NSD1: variants seen among roughly 807,000 people sequenced by gnomAD.
NSD1 encodes nuclear receptor binding SET domain protein 1.
Under a neutral mutation model 242.7 loss-of-function variants are expected in NSD1, and 26 were observed. That is an observed-to-expected ratio of 0.11 (90% CI 0.08 to 0.15). The LOEUF (loss-of-function observed/expected upper bound fraction) is 0.15, where lower values mean the gene tolerates loss of function less well. Among genes scored for constraint, NSD1 ranks in the 10% least tolerant of loss-of-function variants. NSD1 has a pLI of 1.00. For synonymous variants in NSD1, 1,106 were observed against 1,178.1 expected (o/e 0.94, Z 1.25); for missense variants, 2,495 against 3,272.8 (o/e 0.76, Z 5.80).
intron 5 of NSD1, among the ~76,000 whole-genome samples, chr5:177,227,519 T>G (rs1764722923): frequency 6.6e-6 from 1 of 152,192 alleles, no homozygotes; most frequent in South Asian, 2.1e-4. Flanking sequence ...CGATCTTGGC[T>G]TACTGCAACC....
At chr5:177,157,925 A>G (rs1295025401) in intron 2 of NSD1, among the ~76,000 whole-genome samples, 4 of 152,182 alleles carry the variant, frequency 2.6e-5, no homozygotes, top group Non-Finnish European at 4.4e-5. Context: ...ATGTTGTTGT[A>G]TGTATGCATA....
intron 2 of NSD1, among the ~76,000 whole-genome samples, chr5:177,141,627 G>A (rs1230164061): frequency 1.3e-5 from 2 of 152,006 alleles, no homozygotes; most frequent in Non-Finnish European, 2.9e-5. Context: ...ACCACGACCT[G>A]CATACCACTT....
rs573893091 is a variant in NSD1, at chr5:177,286,056, C to T, written c.6151+2128C>T. Among the ~76,000 whole-genome samples, 9 of 152,120 alleles carry T rather than the reference C, an allele frequency of 5.9e-5. No homozygotes were observed. The South Asian group carries it at 1.5e-3, about 25-fold the overall frequency. ...GATTACAGGCATCCACCACCATGCC[C>T]GGCTATTTTTTGGTATTTTTAGTAG... On this transcript the variant is annotated intron_variant, in intron 20 of 22. Transcript: ENST00000439151.
intron 5 of NSD1, among the ~76,000 whole-genome samples, chr5:177,212,487 CTTT>C (rs34930823): frequency 7.9e-6 from 1 of 126,950 alleles, no homozygotes; most frequent in South Asian, 2.4e-4. Flanking sequence ...CTCTCTCTCT[CTTT>C]TTTTTTTTTT....
At chr5:177,277,124 C>T (rs370993456) in intron 17 of NSD1, among the ~76,000 whole-genome samples, 1 of 150,066 alleles carries the variant, frequency 6.7e-6, no homozygotes, top group African/African-American at 2.4e-5. Context: ...AACTTCTTTA[C>T]TCCATTTTTT....
intron 18 of NSD1, 135 bp from the exon 19 acceptor site, chr5:177,282,330 A>G: frequency 3.9e-6 from 3 of 759,796 alleles, no homozygotes; most frequent in East Asian, 2.5e-5. Context: ...TAAAGTAATT[A>G]TGTGTGCCTA....
intron 2 of NSD1, among the ~76,000 whole-genome samples, chr5:177,158,495 G>A (rs1403788860): frequency 2.0e-5 from 3 of 150,546 alleles, no homozygotes; most frequent in African/African-American, 4.9e-5. Context: ...CCGCCACCAC[G>A]CCTGGCTAAT....
chr5:177,145,189 G>T (rs1043235184), intron 2 of NSD1, among the ~76,000 whole-genome samples: 1 of 150,768 alleles, frequency 6.6e-6, no homozygotes, highest in Non-Finnish European at 1.5e-5. Flanking sequence ...TATTCTATTA[G>T]AAATTGTCTC....
At chr5:177,212,912 AGCCACT>A (rs1344905825) in intron 5 of NSD1, among the ~76,000 whole-genome samples, 1 of 152,124 alleles carries the variant, frequency 6.6e-6, no homozygotes, top group African/African-American at 2.4e-5. Flanking sequence ...TACAGGCGTG[AGCCACT>A]GCATCTGGCT....
intron 16 of NSD1, among the ~76,000 whole-genome samples, chr5:177,273,388 G>A (rs993101568): frequency 6.7e-6 from 1 of 149,184 alleles, no homozygotes; most frequent in Non-Finnish European, 1.5e-5. Flanking sequence ...AAAAGTTCTC[G>A]TATTCAGATG....
chr5:177,196,897 A>C (rs1055143806), intron 3 of NSD1, among the ~76,000 whole-genome samples: 1 of 152,240 alleles, frequency 6.6e-6, no homozygotes, highest in Non-Finnish European at 1.5e-5. Context: ...TGGATGCCTG[A>C]AACTGGATAG....
chr5:177,212,216 TAAAAAAAAAAAAATTG>T, intron 5 of NSD1, 21 bp downstream of exon 5: 1 of 1,388,894 alleles, frequency 7.2e-7, no homozygotes, highest in Non-Finnish European at 1.0e-6. Context: ...CTAAATGTGA[TAAAAAAAAAAAAATTG>T]GAGAAAGTGC....
intron 2 of NSD1, among the ~76,000 whole-genome samples, chr5:177,177,334 G>A (rs1052912317): frequency 3.9e-5 from 6 of 152,018 alleles, no homozygotes; most frequent in Non-Finnish European, 8.8e-5. Context: ...TGCCAACCTG[G>A]TGAAACCCCC....
rs1362275540 is a variant in NSD1, at chr5:177,252,536, G to GT, written c.4765+685dup. On this transcript the variant is annotated intron_variant, in intron 12 of 22. Coordinates refer to ENST00000439151, the MANE Select transcript of NSD1 (RefSeq NM_022455.5). ...TCATAAAGCTGCGCTAAAGTAAAGT[G>GT]TTCTTTTTTTTTTTTTTTTTTTTTT... 1.7e-3 allele frequency among the ~76,000 whole-genome samples: 173 copies of GT among 98,974 alleles called. 3 individuals carry two copies. Among genetic ancestry groups the GT allele is most frequent in the African/African-American group, 7.3e-3 (168 of 22,994 alleles). 64.9% of individuals were successfully genotyped at this position (98,974 alleles called of 152,430 possible).
chr5:177,143,886 G>T (rs1490303053), intron 2 of NSD1, among the ~76,000 whole-genome samples: 2 of 147,366 alleles, frequency 1.4e-5, no homozygotes, highest in East Asian at 4.1e-4. Flanking sequence ...ATGGGTTCAA[G>T]TTGATTCTCC....
chr5:177,221,128 C>T (rs1764202113), intron 5 of NSD1: 3 of 428,882 alleles, frequency 7.0e-6, no homozygotes, highest in South Asian at 1.7e-5. Flanking sequence ...CCACTTTGGC[C>T]TCCCACAGTG....
chr5:177,245,418 C>T (rs1034537798), intron 9 of NSD1, among the ~76,000 whole-genome samples: 20 of 152,046 alleles, frequency 1.3e-4, no homozygotes, highest in African/African-American at 2.4e-4. Context: ...TGTTAGGCTG[C>T]GAGCAGTTTT....
chr5:177,265,825 G>A, intron 14 of NSD1: 3 of 1,393,196 alleles, frequency 2.2e-6, no homozygotes, highest in South Asian at 2.3e-5. Context: ...TAAACTCGAT[G>A]TTGAAGTAGG....
Position 177,230,894 on chromosome 5 carries a change from G to A in NSD1, c.3797-4927G>A, listed in dbSNP as rs545964867. On this transcript the variant is annotated intron_variant, in intron 5 of 22. Coordinates refer to ENST00000439151, the MANE Select transcript of NSD1 (RefSeq NM_022455.5). The stretch of plus-strand genomic sequence containing the variant: ...ACCTGCCAAGAAGAAGACAAAGGAA[G>A]GAGACTGTCTAGGATTGAGATCCAA... Among the ~76,000 whole-genome samples, 8 of 152,090 alleles carry A rather than the reference G, an allele frequency of 5.3e-5. No individual in the cohort carries two copies. In the East Asian group the frequency reaches 1.4e-3, roughly 26 times the overall value.
Sources: gnomAD v4.1 joint callset for allele counts (sites outside exome capture counted in the v4.1 genomes callset) on GRCh38, gnomAD v4.1.1 for gene constraint, MANE v1.5 for transcripts, NCBI Gene and HGNC (gene_info 2026-07-23, HGNC 2026-07-21) for gene names.